CNTNAP2: variants seen among roughly 807,000 people sequenced by gnomAD.
CNTNAP2 encodes the protein contactin associated protein 2.
CNTNAP2 carries 98 observed loss-of-function variants against 155.2 expected under a neutral mutation model. The ratio of observed to expected loss-of-function variants is 0.63; its 90% CI spans 0.54 to 0.75. The LOEUF (loss-of-function observed/expected upper bound fraction) is 0.75, where lower values mean the gene tolerates loss of function less well. Ranked by LOEUF, CNTNAP2 falls within the 30% of genes least tolerant of loss-of-function variation. The pLI, the probability that CNTNAP2 is intolerant of heterozygous loss-of-function variation, is 0.00. For synonymous variants in CNTNAP2, 651 were observed against 631.2 expected (o/e 1.03, Z -0.47); for missense variants, 1,727 against 1,688.1 (o/e 1.02, Z -0.40).
rs186887909 is a variant in CNTNAP2 at position 146,778,646 on chromosome 7, C to T, written c.208+4265C>T. 2.1e-3 allele frequency among the ~76,000 whole-genome samples: 325 copies of T among 152,316 alleles called. 2 individuals carry two copies. Among genetic ancestry groups the T allele is most frequent in the African/African-American group, 7.5e-3 (311 of 41,574 alleles). ...ATACAAAACCTTTGAAAGTTTCAAA[C>T]AGCATATCCCTTACCTTACTTTTAA... On this transcript the variant is annotated intron_variant, in intron 2 of 23. Coordinates refer to ENST00000361727, the MANE Select transcript of CNTNAP2 (RefSeq NM_014141.6).
intron 4 of CNTNAP2, among the ~76,000 whole-genome samples, chr7:147,076,393 C>T (rs1318003851): frequency 1.3e-5 from 2 of 152,158 alleles, no homozygotes; most frequent in African/African-American, 2.4e-5. Flanking sequence ...TGATGATGAG[C>T]ATTTTTTCAT....
chr7:147,462,519 T>A (rs944291161), intron 10 of CNTNAP2, among the ~76,000 whole-genome samples: 1 of 152,202 alleles, frequency 6.6e-6, no homozygotes, highest in East Asian at 1.9e-4. Context: ...GAATGTATGT[T>A]CTCAAATGGA....
chr7:148,052,142 CCA>C (rs1802904306), intron 15 of CNTNAP2, among the ~76,000 whole-genome samples: 1 of 86,978 alleles, frequency 1.1e-5, no homozygotes. Context: ...GACTCCGTCT[CCA>C]AAAAAAAAAA....
intron 8 of CNTNAP2, among the ~76,000 whole-genome samples, chr7:147,173,322 A>C (rs1366991376): frequency 1.3e-5 from 2 of 152,126 alleles, no homozygotes; most frequent in East Asian, 3.9e-4. Flanking sequence ...TGTCTCCTCC[A>C]GATGCCATTG....
At chr7:147,809,210 G>A (rs1337698313) in intron 13 of CNTNAP2, among the ~76,000 whole-genome samples, 1 of 152,168 alleles carries the variant, frequency 6.6e-6, no homozygotes, top group Admixed American at 6.5e-5. Flanking sequence ...GCATATTTCA[G>A]ATTAATCTGT....
intron 1 of CNTNAP2, among the ~76,000 whole-genome samples, chr7:146,195,735 T>A (rs745883971): frequency 2.6e-5 from 4 of 152,214 alleles, no homozygotes; most frequent in Non-Finnish European, 5.9e-5. Context: ...AGATACTGAC[T>A]GCACTCCTGC....
chr7:146,156,992 T>C (rs1279130070), intron 1 of CNTNAP2, among the ~76,000 whole-genome samples: 2 of 152,164 alleles, frequency 1.3e-5, no homozygotes, highest in Non-Finnish European at 2.9e-5. Context: ...GCAAGGAAAT[T>C]CAGGCACAGA....
intron 2 of CNTNAP2, among the ~76,000 whole-genome samples, chr7:146,805,821 A>T (rs1156591409): frequency 2.6e-5 from 4 of 152,244 alleles, no homozygotes; most frequent in African/African-American, 9.6e-5. Context: ...CTGTTGTATT[A>T]GTCTTCCTAT....
At chr7:147,185,030 G>A (rs751806474) in intron 8 of CNTNAP2, among the ~76,000 whole-genome samples, 2 of 151,980 alleles carry the variant, frequency 1.3e-5, no homozygotes, top group Non-Finnish European at 2.9e-5. Context: ...ACTTAAATGG[G>A]CAAAAATACC....
intron 1 of CNTNAP2, among the ~76,000 whole-genome samples, chr7:146,669,403 G>T (rs1320509078): frequency 6.6e-6 from 1 of 152,084 alleles, no homozygotes; most frequent in Non-Finnish European, 1.5e-5. Context: ...AGCAGATAAG[G>T]ATTAAGTAAT....
intron 15 of CNTNAP2, among the ~76,000 whole-genome samples, chr7:148,045,655 T>G (rs1013112837): frequency 1.3e-5 from 2 of 152,222 alleles, no homozygotes; most frequent in Non-Finnish European, 2.9e-5. Flanking sequence ...CCTTAGGCAA[T>G]GAAACTTGGC....
intron 13 of CNTNAP2, among the ~76,000 whole-genome samples, chr7:147,663,671 G>A (rs539604487): frequency 6.6e-6 from 1 of 152,288 alleles, no homozygotes; most frequent in Admixed American, 6.5e-5. Flanking sequence ...TTACCAGTTT[G>A]CATACTGTTT....
intron 14 of CNTNAP2, among the ~76,000 whole-genome samples, chr7:147,916,387 C>T (rs1384877690): frequency 1.3e-5 from 2 of 152,044 alleles, no homozygotes; most frequent in Admixed American, 6.6e-5. Context: ...AGTGTCAATA[C>T]GGTTTGGCCA....
intron 22 of CNTNAP2, among the ~76,000 whole-genome samples, chr7:148,385,556 T>G (rs1442751836): frequency 6.6e-6 from 1 of 152,144 alleles, no homozygotes; most frequent in Non-Finnish European, 1.5e-5. Context: ...GCACCTGTGG[T>G]CTGAGTCAGG....
chr7:148,135,805 T>C (rs1398117997), intron 16 of CNTNAP2, among the ~76,000 whole-genome samples: 1 of 111,176 alleles, frequency 9.0e-6, no homozygotes, highest in East Asian at 3.1e-4. Flanking sequence ...GCCAAGATAG[T>C]GCCACTGCAC....
Position 147,044,005 on chromosome 7 carries a change from T to A in CNTNAP2, c.501T>A (p.Asn167Lys). ...TGCGCATAGTGCCTCTGGATTGGAA[T>A]GGAGAAGGTCGCATTGGACTCAGAA... is the stretch of plus-strand genomic sequence containing the variant. ...RYVRIVPLDW[N>K]GEGRIGLRIE... is the part of the protein sequence containing the mutation. Residue 167 changes from asparagine (N) to lysine (K), a missense_variant, in exon 4 of 24, where the codon AAT (asparagine) becomes AAA (lysine). Coordinates refer to ENST00000361727, the MANE Select transcript of CNTNAP2 (RefSeq NM_014141.6). 1 of 1,614,240 alleles carries A rather than the reference T, an allele frequency of 6.2e-7. No homozygotes were observed. The highest frequency in any genetic ancestry group is 2.2e-5 in the East Asian group (1 of 44,876).
intron 3 of CNTNAP2, among the ~76,000 whole-genome samples, chr7:147,007,918 C>T (rs1320261168): frequency 1.3e-5 from 2 of 152,052 alleles, no homozygotes; most frequent in Admixed American, 6.6e-5. Context: ...GAACTTCTCT[C>T]CCTAATCATC....
chr7:147,091,796 C>G (rs1244137471), intron 4 of CNTNAP2, among the ~76,000 whole-genome samples: 1 of 152,024 alleles, frequency 6.6e-6, no homozygotes, highest in South Asian at 2.1e-4. Flanking sequence ...TTAGTAGAGA[C>G]GGAATTTCAC....
intron 1 of CNTNAP2, among the ~76,000 whole-genome samples, chr7:146,156,341 A>G (rs1798125485): frequency 6.6e-6 from 1 of 152,224 alleles, no homozygotes; most frequent in African/African-American, 2.4e-5. Flanking sequence ...GCACATTGAT[A>G]CATTGTAAAA....
Sources: gnomAD v4.1 joint callset for allele counts (sites outside exome capture counted in the v4.1 genomes callset) on GRCh38, gnomAD v4.1.1 for gene constraint, MANE v1.5 for transcripts, NCBI Gene and HGNC (gene_info 2026-07-23, HGNC 2026-07-21) for gene names.